Variants in CCDC91 observed in about 807,000 individuals in gnomAD.
CCDC91 encodes coiled-coil domain containing 91.
CCDC91 carries 48 observed loss-of-function variants against 63.2 expected under a neutral mutation model. The observed-to-expected ratio is 0.76, with a 90% CI of 0.60 to 0.97. CCDC91 has a LOEUF of 0.97. CCDC91 is among the 50% of genes least tolerant of loss of function. The pLI is 0.00. For synonymous variants in CCDC91, 167 were observed against 165.8 expected (o/e 1.01, Z -0.06); for missense variants, 500 against 494.6 (o/e 1.01, Z -0.10).
At chr12:28,293,235 A>G (rs913876803) in intron 3 of CCDC91, among the ~76,000 whole-genome samples, 12 of 152,222 alleles carry the variant, frequency 7.9e-5, no homozygotes, top group African/African-American at 2.7e-4. Context: ...TAGCATACAT[A>G]GAAGTAAGAG....
chr12:28,412,024 A>G (rs1592595488), intron 8 of CCDC91, among the ~76,000 whole-genome samples: 1 of 152,192 alleles, frequency 6.6e-6, no homozygotes, highest in Non-Finnish European at 1.5e-5. Context: ...AACATGGCAA[A>G]TATGTTTAGA....
At chr12:28,528,197 T>A (rs1427437621) in intron 12 of CCDC91, among the ~76,000 whole-genome samples, 1 of 152,140 alleles carries the variant, frequency 6.6e-6, no homozygotes, top group Non-Finnish European at 1.5e-5. Context: ...CCAGTGCCTC[T>A]GGCAGCCCTC....
intron 8 of CCDC91, among the ~76,000 whole-genome samples, chr12:28,416,917 A>T (rs1171265805): frequency 1.3e-5 from 2 of 152,110 alleles, no homozygotes; most frequent in Non-Finnish European, 2.9e-5. Flanking sequence ...TAAATATATG[A>T]ATTGACCACT....
At chr12:28,337,853 T>C (rs1028014673) in intron 6 of CCDC91, among the ~76,000 whole-genome samples, 5 of 152,132 alleles carry the variant, frequency 3.3e-5, no homozygotes, top group African/African-American at 1.2e-4. Flanking sequence ...GATTGCAATA[T>C]TTCTTATAAA....
chr12:28,280,186 A>T (rs1948512783), intron 3 of CCDC91, among the ~76,000 whole-genome samples: 1 of 152,158 alleles, frequency 6.6e-6, no homozygotes, highest in Admixed American at 6.5e-5. Context: ...ACTAGCAGTC[A>T]TGCTTGTATT....
chr12:28,520,847 G>A (rs1592938866), intron 12 of CCDC91, among the ~76,000 whole-genome samples: 1 of 152,110 alleles, frequency 6.6e-6, no homozygotes, highest in South Asian at 2.1e-4. Context: ...CCCATTTCTT[G>A]TTTTTGTCAG....
intron 7 of CCDC91, among the ~76,000 whole-genome samples, chr12:28,371,217 G>T (rs1375535457): frequency 6.6e-6 from 1 of 152,120 alleles, no homozygotes; most frequent in African/African-American, 2.4e-5. Flanking sequence ...GAACTGGGCT[G>T]CACAGCAGGA....
intron 7 of CCDC91, among the ~76,000 whole-genome samples, chr12:28,378,502 T>C (rs1461145813): frequency 6.6e-6 from 1 of 152,104 alleles, no homozygotes; most frequent in Non-Finnish European, 1.5e-5. Context: ...AGAGAAACAA[T>C]TTTGTTTTCT....
At chr12:28,327,338 G>A (rs1351104882) in intron 6 of CCDC91, among the ~76,000 whole-genome samples, 1 of 152,124 alleles carries the variant, frequency 6.6e-6, no homozygotes, top group Non-Finnish European at 1.5e-5. Flanking sequence ...CTACCTGGGG[G>A]CTATGCATGT....
At chr12:28,233,214 CCCTCA>C (rs1944718429) in intron 1 of CCDC91, among the ~76,000 whole-genome samples, 1 of 152,010 alleles carries the variant, frequency 6.6e-6, no homozygotes, top group African/African-American at 2.4e-5. Context: ...TCAGAGAATT[CCCTCA>C]TTCCCCTTGT....
chr12:28,375,849 C>T (rs1256667906), intron 7 of CCDC91, among the ~76,000 whole-genome samples: 2 of 151,836 alleles, frequency 1.3e-5, no homozygotes, highest in Admixed American at 1.3e-4. Context: ...TAATGTTCTC[C>T]ATCAAAGATT....
At chr12:28,511,715 T>C (rs1473171295) in intron 12 of CCDC91, among the ~76,000 whole-genome samples, 4 of 151,874 alleles carry the variant, frequency 2.6e-5, no homozygotes, top group African/African-American at 9.7e-5. Context: ...TGTACTTTGT[T>C]TTATGAAGGA....
At chr12:28,515,873 C>A (rs1228737444) in intron 12 of CCDC91, among the ~76,000 whole-genome samples, 1 of 151,708 alleles carries the variant, frequency 6.6e-6, no homozygotes, top group Non-Finnish European at 1.5e-5. Flanking sequence ...CATCCCGGAC[C>A]CTCACCTCCC....
At chr12:28,443,976 A>G (rs75238706) in intron 8 of CCDC91, among the ~76,000 whole-genome samples, 18 of 144,020 alleles carry the variant, frequency 1.2e-4, no homozygotes, top group African/African-American at 4.1e-4. Flanking sequence ...TTTTGACCAT[A>G]CTATTTCTAT....
intron 11 of CCDC91, among the ~76,000 whole-genome samples, chr12:28,466,747 T>C (rs1021324036): frequency 3.3e-5 from 5 of 152,206 alleles, no homozygotes; most frequent in Admixed American, 6.5e-5. Flanking sequence ...AAATGACCTT[T>C]ATGAGCAATA....
At chr12:28,384,777 A>T (rs1945500369) in intron 7 of CCDC91, among the ~76,000 whole-genome samples, 1 of 152,052 alleles carries the variant, frequency 6.6e-6, no homozygotes, top group Admixed American at 6.6e-5. Context: ...TATTAACCAC[A>T]GTGTCTGTCT....
At chr12:28,244,494 CTTTTTTTTTTTTTTTT>C (rs3064681) in intron 1 of CCDC91, among the ~76,000 whole-genome samples, 15 of 38,430 alleles carry the variant, frequency 3.9e-4, no homozygotes, top group African/African-American at 1.4e-3. Context: ...TAGAAGAAGG[CTTTTTTTTTTTTTTTT>C]TTTTTTTTTT....
At chr12:28,350,209 G>T (rs78570628) in intron 6 of CCDC91, among the ~76,000 whole-genome samples, 2,007 of 152,162 alleles carry the variant, frequency 0.013, 19 homozygotes, top group Middle Eastern at 0.02. Flanking sequence ...AGATATTTTA[G>T]TTGCATTTTA....
At chr12:28,468,980 C>G (rs999122022) in intron 11 of CCDC91, among the ~76,000 whole-genome samples, 1 of 151,928 alleles carries the variant, frequency 6.6e-6, no homozygotes, top group African/African-American at 2.4e-5. Context: ...CAGTGGGTAT[C>G]ATACTGAATG....
Sources: allele counts gnomAD v4.1 joint callset (sites outside exome capture counted in the v4.1 genomes callset), GRCh38; gene constraint gnomAD v4.1.1; transcripts MANE v1.5; gene names NCBI Gene and HGNC (gene_info 2026-07-23, HGNC 2026-07-21).